TRIO: variants seen among roughly 807,000 people sequenced by gnomAD.
TRIO encodes the protein trio Rho guanine nucleotide exchange factor.
In TRIO, 58 loss-of-function variants were observed where a neutral mutation model predicts 351.9. That is an observed-to-expected ratio of 0.16 (90% CI 0.13 to 0.21). The LOEUF is 0.21. TRIO is among the 10% of genes least tolerant of loss of function. The pLI, the probability that TRIO is intolerant of heterozygous loss-of-function variation, is 1.00. For missense variants in TRIO, 3,201 were observed against 4,027.8 expected (o/e 0.79, Z 5.56); for synonymous variants, 1,758 against 1,595.7 (o/e 1.10, Z -2.42).
At chr5:14,492,311 A>T (rs370060973) in intron 48 of TRIO, 6 of 517,350 alleles carry the variant, frequency 1.2e-5, no homozygotes, top group East Asian at 7.1e-5. Flanking sequence ...TTCCAAAACC[A>T]AAGAGTCATT....
intron 1 of TRIO, among the ~76,000 whole-genome samples, chr5:14,228,785 C>T (rs973468618): frequency 7.9e-5 from 12 of 152,148 alleles, no homozygotes; most frequent in African/African-American, 2.6e-4. Context: ...GCAGGAGAAT[C>T]GCTTGAACCC....
chr5:14,311,104 GTCT>G (rs1738887109), intron 8 of TRIO, among the ~76,000 whole-genome samples: 2 of 152,226 alleles, frequency 1.3e-5, no homozygotes, highest in Non-Finnish European at 2.9e-5. Context: ...TATGACAGCT[GTCT>G]TCTTCTCACC....
chr5:14,348,812 G>A, intron 11 of TRIO, among the ~76,000 whole-genome samples: 1 of 146,146 alleles, frequency 6.8e-6, no homozygotes, highest in Admixed American at 6.9e-5. Context: ...GTGAGCATGT[G>A]TTTTTCCTGC....
At chr5:14,323,325 G>A (rs1355714590) in intron 9 of TRIO, among the ~76,000 whole-genome samples, 1 of 152,068 alleles carries the variant, frequency 6.6e-6, no homozygotes, top group Non-Finnish European at 1.5e-5. Context: ...CAGAAGCACC[G>A]AGAACCTCTT....
At chr5:14,199,769 C>T (rs1157734587) in intron 1 of TRIO, among the ~76,000 whole-genome samples, 1 of 152,168 alleles carries the variant, frequency 6.6e-6, no homozygotes, top group African/African-American at 2.4e-5. Flanking sequence ...AGCCTAATTT[C>T]CAGGTGGCAT....
In TRIO at chr5:14,488,025, C is replaced by G; in HGVS notation, c.7397C>G (p.Pro2466Arg). 1 of 1,600,306 alleles carries G rather than the reference C, an allele frequency of 6.2e-7. No individual in the cohort carries two copies. Among genetic ancestry groups the G allele is most frequent in the Non-Finnish European group, 8.5e-7 (1 of 1,174,740 alleles). ...AACTCGCCGCTCTCCAGCGCGGTCC[C>G]TTCTCTCGGCAAGGAGCCCTTCCCC... ...PLNSPLSSAVPSLGKEPFPPS... is the reference protein window; with the variant it reads ...PLNSPLSSAVRSLGKEPFPPS... The change falls in exon 48 of 57, where the codon CCT becomes CGT. Residue 2466 changes from proline (P) to arginine (R), a missense_variant. Pro to Arg is a moderately radical substitution (Grantham distance 103). Transcript: ENST00000344204.
intron 21 of TRIO, 149 bp downstream of exon 21, chr5:14,381,401 A>G (rs1308079592): frequency 1.0e-6 from 1 of 1,000,086 alleles, no homozygotes; most frequent in Non-Finnish European, 1.4e-6. Flanking sequence ...CCTTCCGTTC[A>G]CGTGTGTCCC....
Position 14,193,449 on chromosome 5 carries a change from T to A in TRIO, c.157+49567T>A, listed in dbSNP as rs549741412. 2.6e-5 allele frequency among the ~76,000 whole-genome samples: 4 copies of A among 152,316 alleles called. No individual in the cohort carries two copies. In the East Asian group the frequency reaches 7.7e-4, roughly 29 times the overall value. Reference sequence around the variant, plus strand: ...TTTCTGTTTAGTTTTACTTTAAAAATATGAAAACATAAACATTAACCTGTT... The same window carrying A: ...TTTCTGTTTAGTTTTACTTTAAAAAAATGAAAACATAAACATTAACCTGTT... On this transcript the variant is annotated intron_variant, in intron 1 of 56. Transcript: ENST00000344204.
At chr5:14,387,680 G>A (rs369603220) in intron 22 of TRIO, 48 bp downstream of exon 22, 19 of 1,608,786 alleles carry the variant, frequency 1.2e-5, no homozygotes, top group Admixed American at 1.2e-4. Flanking sequence ...TCTTCCTAAC[G>A]CCCTCTCTGC....
At chr5:14,340,624 A>G (rs1312717433) in intron 11 of TRIO, among the ~76,000 whole-genome samples, 2 of 152,210 alleles carry the variant, frequency 1.3e-5, no homozygotes, top group African/African-American at 4.8e-5. Context: ...ACATGAGGTC[A>G]TAACAACTCA....
intron 1 of TRIO, among the ~76,000 whole-genome samples, chr5:14,151,384 G>T (rs1314377441): frequency 5.9e-5 from 5 of 85,308 alleles, no homozygotes; most frequent in African/African-American, 3.3e-4. Flanking sequence ...GTGTGTGTGT[G>T]TTTGTGTGTG....
intron 1 of TRIO, among the ~76,000 whole-genome samples, chr5:14,217,372 C>T (rs986523345): frequency 6.6e-6 from 1 of 152,194 alleles, no homozygotes; most frequent in Non-Finnish European, 1.5e-5. Context: ...GGGCCCCTTT[C>T]TTGCCCTCAG....
chr5:14,317,272 A>C (rs1045536912), intron 9 of TRIO, among the ~76,000 whole-genome samples: 5 of 152,226 alleles, frequency 3.3e-5, no homozygotes, highest in African/African-American at 4.8e-5. Context: ...GAGTAAGTCC[A>C]GTTCCCCATT....
chr5:14,350,937 C>T (rs933362493), intron 11 of TRIO, among the ~76,000 whole-genome samples: 1 of 152,166 alleles, frequency 6.6e-6, no homozygotes. Context: ...GTTAGATTCT[C>T]ATCCCGTAAG....
intron 34 of TRIO, among the ~76,000 whole-genome samples, chr5:14,428,780 G>T (rs1421411837): frequency 6.6e-6 from 1 of 152,180 alleles, no homozygotes; most frequent in Non-Finnish European, 1.5e-5. Context: ...ATGAGAAACG[G>T]TCTTCCCACA....
intron 2 of TRIO, among the ~76,000 whole-genome samples, chr5:14,277,730 A>G (rs904938432): frequency 6.6e-6 from 1 of 152,234 alleles, no homozygotes; most frequent in Non-Finnish European, 1.5e-5. Context: ...TTGGAAACCA[A>G]CCTAAATCTT....
Position 14,336,747 on chromosome 5 carries a change from A to G in TRIO, c.2046+20A>G. ...AAAGAGGTAAGGTGCCAGGAGACCA[A>G]AATATGATCTGTGCTTGAAAGGGTC... On this transcript the variant is annotated intron_variant, in intron 11 of 56. Coordinates refer to ENST00000344204, the MANE Select transcript of TRIO (RefSeq NM_007118.4). The G allele has an allele frequency of 1.9e-6, 3 of 1,613,406 alleles. No individual in the cohort carries two copies. The highest frequency in any genetic ancestry group is 2.5e-6 in the Non-Finnish European group (3 of 1,179,488).
intron 34 of TRIO, among the ~76,000 whole-genome samples, chr5:14,458,120 A>G (rs1753503625): frequency 6.6e-6 from 1 of 150,420 alleles, no homozygotes; most frequent in African/African-American, 2.5e-5. Flanking sequence ...CATCTCAGGC[A>G]TCCGGGCTGT....
chr5:14,422,655 G>A (rs1487573797), intron 34 of TRIO, among the ~76,000 whole-genome samples: 1 of 152,166 alleles, frequency 6.6e-6, no homozygotes, highest in African/African-American at 2.4e-5. Context: ...AGAATCCATG[G>A]AATTTATGAA....
Sources: gnomAD v4.1 joint callset for allele counts (sites outside exome capture counted in the v4.1 genomes callset) on GRCh38, gnomAD v4.1.1 for gene constraint, MANE v1.5 for transcripts, NCBI Gene and HGNC (gene_info 2026-07-23, HGNC 2026-07-21) for gene names.